The following LARGE1 variants were observed in gnomAD, a reference collection of about 807,000 sequenced individuals.
The protein encoded by LARGE1 is LARGE xylosyl- and glucuronyltransferase 1.
LARGE1 carries 43 observed loss-of-function variants against 87.6 expected under a neutral mutation model. That is an observed-to-expected ratio of 0.49 (90% confidence interval 0.38 to 0.63). LARGE1 has a LOEUF of 0.63. Among genes scored for constraint, LARGE1 ranks in the 30% least tolerant of loss-of-function variants. LARGE1 has a pLI of 0.00. For synonymous variants in LARGE1, 434 were observed against 394.6 expected (o/e 1.10, Z -1.18); for missense variants, 802 against 1,000.2 (o/e 0.80, Z 2.67).
intron 11 of LARGE1, among the ~76,000 whole-genome samples, chr22:33,195,832 G>A (rs962294068): frequency 1.4e-5 from 2 of 146,046 alleles, no homozygotes; most frequent in Middle Eastern, 3.6e-3. Flanking sequence ...TCAGCTCACT[G>A]CAAGCTCTGC....
chr22:33,713,967 A>AT (rs1556008298), intron 2 of LARGE1, among the ~76,000 whole-genome samples: 3 of 110,314 alleles, frequency 2.7e-5, no homozygotes, highest in African/African-American at 1.1e-4. Flanking sequence ...GAAAAAGTAA[A>AT]TAACGTAACA....
At chr22:33,471,613 T>C (rs1247611771) in intron 6 of LARGE1, among the ~76,000 whole-genome samples, 1 of 152,096 alleles carries the variant, frequency 6.6e-6, no homozygotes, top group African/African-American at 2.4e-5. Flanking sequence ...GAATAACTGG[T>C]TGGGACCAAA....
At chr22:33,402,691 G>A (rs1022867190) in intron 7 of LARGE1, among the ~76,000 whole-genome samples, 1 of 152,142 alleles carries the variant, frequency 6.6e-6, no homozygotes, top group African/African-American at 2.4e-5. Context: ...ACTAATACAC[G>A]TTAGTCTTAA....
chr22:33,431,562 T>C (rs913260441), intron 7 of LARGE1, among the ~76,000 whole-genome samples: 2 of 152,192 alleles, frequency 1.3e-5, no homozygotes, highest in African/African-American at 4.8e-5. Context: ...GCCAGGCACA[T>C]GGTAGACTGC....
chr22:33,572,265 G>C, intron 5 of LARGE1: 1 of 1,231,950 alleles, frequency 8.1e-7, no homozygotes, highest in Non-Finnish European at 1.0e-6. Context: ...TTGTTTCTGA[G>C]TGGTTGTCTT....
At chr22:33,785,648 A>G (rs973852344) in intron 1 of LARGE1, among the ~76,000 whole-genome samples, 11 of 151,944 alleles carry the variant, frequency 7.2e-5, no homozygotes, top group South Asian at 2.1e-4. Flanking sequence ...ACTGGAGGGG[A>G]AAAAAAACAT....
At chr22:33,350,846 A>G (rs1459127968) in intron 9 of LARGE1, among the ~76,000 whole-genome samples, 1 of 152,186 alleles carries the variant, frequency 6.6e-6, no homozygotes, top group East Asian at 1.9e-4. Flanking sequence ...CCAGCTGACC[A>G]GTGAGTCATT....
At chr22:33,536,713 G>A (rs1417460685) in intron 6 of LARGE1, among the ~76,000 whole-genome samples, 2 of 152,230 alleles carry the variant, frequency 1.3e-5, no homozygotes, top group South Asian at 2.1e-4. Context: ...AGGCTGCCAC[G>A]TCAGGCATGA....
chr22:33,578,122 C>T (rs2078406066), intron 5 of LARGE1, among the ~76,000 whole-genome samples: 1 of 152,234 alleles, frequency 6.6e-6, no homozygotes, highest in Admixed American at 6.5e-5. Context: ...CCCCCGCCAA[C>T]AACAGGCCTT....
intron 6 of LARGE1, among the ~76,000 whole-genome samples, chr22:33,501,392 C>T (rs1171401476): frequency 6.6e-6 from 1 of 151,940 alleles, no homozygotes; most frequent in African/African-American, 2.4e-5. Context: ...GGAGCCAGGC[C>T]CTAGGGGGCA....
chr22:33,388,807 T>G (rs781296818), intron 7 of LARGE1, among the ~76,000 whole-genome samples: 1 of 151,974 alleles, frequency 6.6e-6, no homozygotes, highest in African/African-American at 2.4e-5. Context: ...CCTCAGGTGA[T>G]CCACCCACCT....
At chr22:33,285,314 C>T (rs1931313935) in intron 12 of LARGE1, among the ~76,000 whole-genome samples, 1 of 152,140 alleles carries the variant, frequency 6.6e-6, no homozygotes, top group African/African-American at 2.4e-5. Context: ...AAAGCAGCAG[C>T]CCTCCTTGGC....
intron 11 of LARGE1, chr22:33,305,714 G>T: frequency 7.2e-6 from 3 of 414,702 alleles, no homozygotes; most frequent in Non-Finnish European, 9.7e-6. Context: ...CTGTTAAGTG[G>T]CACTGCCCAG....
At chr22:33,126,635 C>A in the LARGE1 span, among the ~76,000 whole-genome samples, 21 of 152,158 alleles carry the variant, frequency 1.4e-4, no homozygotes, top group Admixed American at 1.4e-3. Context: ...ACCTTCTCTG[C>A]AACTCAACTT....
At chr22:33,127,626 T>G in the LARGE1 span, among the ~76,000 whole-genome samples, 1 of 152,158 alleles carries the variant, frequency 6.6e-6, no homozygotes, top group African/African-American at 2.4e-5. Flanking sequence ...CTAAACAAAC[T>G]TAAAGTACAA....
intron 9 of LARGE1, among the ~76,000 whole-genome samples, chr22:33,366,966 TA>T (rs2064618608): frequency 2.6e-5 from 4 of 152,358 alleles, no homozygotes; most frequent in Non-Finnish European, 1.5e-5. Flanking sequence ...ACTTGCCGTC[TA>T]GGGGTACTGT....
chr22:33,189,150 A>G (rs1923643410), intron 11 of LARGE1, among the ~76,000 whole-genome samples: 1 of 152,180 alleles, frequency 6.6e-6, no homozygotes, highest in Middle Eastern at 3.4e-3. Context: ...AAAGAGTGGG[A>G]ATATTAACCT....
intron 1 of LARGE1, among the ~76,000 whole-genome samples, chr22:33,794,366 G>A (rs1601631616): frequency 6.6e-6 from 1 of 152,240 alleles, no homozygotes; most frequent in African/African-American, 2.4e-5. Context: ...GCTCAGGCTG[G>A]GGCATGGAGT....
intron 6 of LARGE1, among the ~76,000 whole-genome samples, chr22:33,520,865 C>T (rs749228694): frequency 1.3e-5 from 2 of 152,224 alleles, no homozygotes; most frequent in Non-Finnish European, 2.9e-5. Context: ...GCATAACAAG[C>T]TTCCAGCTGT....
Sources: allele counts gnomAD v4.1 joint callset (sites outside exome capture counted in the v4.1 genomes callset), GRCh38; gene constraint gnomAD v4.1.1; transcripts MANE v1.5; gene names NCBI Gene and HGNC (gene_info 2026-07-23, HGNC 2026-07-21).